Variants in RACGAP1 observed in about 807,000 individuals in gnomAD.
RACGAP1 encodes the protein Rac GTPase activating protein 1.
Under a neutral mutation model 78.1 loss-of-function variants are expected in RACGAP1, and 30 were observed. The ratio of observed to expected loss-of-function variants is 0.38; its 90% CI spans 0.29 to 0.52. The LOEUF (loss-of-function observed/expected upper bound fraction) is 0.52, where lower values mean the gene tolerates loss of function less well. Ranked by LOEUF, RACGAP1 falls within the 20% of genes least tolerant of loss-of-function variation. RACGAP1 has a pLI of 0.82. For synonymous variants in RACGAP1, 231 were observed against 264.8 expected (o/e 0.87, Z 1.24); for missense variants, 587 against 777.1 (o/e 0.76, Z 2.91).
In RACGAP1 at chr12:50,016,719, T is replaced by C; in HGVS notation, c.-4A>G. ...CATTCAGCATCATAGTATCCATCTTTCTGCCAAGAAATCAAATATACATTA... is the reference window on the plus strand; with the variant it reads ...CATTCAGCATCATAGTATCCATCTTCCTGCCAAGAAATCAAATATACATTA... On this transcript the variant is annotated splice_region_variant and 5_prime_UTR_variant, in exon 2 of 17. Transcript: ENST00000312377. 6.2e-7 allele frequency: 1 copy of C among 1,613,424 alleles called. No homozygotes were observed. Among genetic ancestry groups the C allele is most frequent in the Non-Finnish European group, 8.5e-7 (1 of 1,179,912 alleles).
chr12:50,005,348 T>A lies in RACGAP1; in HGVS notation c.333A>T (p.Thr111=). 1 of 1,614,236 alleles carries A rather than the reference T, an allele frequency of 6.2e-7. No homozygotes were observed. The highest frequency in any genetic ancestry group is 8.5e-7 in the Non-Finnish European group (1 of 1,180,032). ...QLIREMLMCD[T]SGSIQLSEEQ... ...CCTCGCTTAGTTGAATGCTGCCAGA[T>A]GTGTCACACATGAGCATCTCTCGAA... Residue 111 remains threonine, a synonymous_variant, in exon 4 of 17, where the codon ACA becomes ACT. Transcript: ENST00000312377.
chr12:50,017,224 C>T lies in RACGAP1; in HGVS notation c.-4-505G>A, dbSNP rs140924927. ...CATTTCCTACCAAAAGCACAGATGA[C>T]GTCACATGAGTGATTAAGTGGGAAA... On this transcript the variant is annotated intron_variant, in intron 1 of 16. Coordinates refer to ENST00000312377, the MANE Select transcript of RACGAP1 (RefSeq NM_001319999.2). 5.1e-5 allele frequency: 18 copies of T among 352,964 alleles called. No homozygotes were observed. The East Asian group carries it at 1.8e-3, about 36-fold the overall frequency. The allele number at this position is 352,964 out of a possible 1,614,324, so 21.9% of individuals were successfully genotyped here. A position where few individuals can be genotyped will look rare whatever the true frequency, so the allele number is the denominator to read the frequency against.
At chr12:50,024,196 C>G (rs1297195234) in intron 1 of RACGAP1, among the ~76,000 whole-genome samples, 1 of 152,024 alleles carries the variant, frequency 6.6e-6, no homozygotes, top group Non-Finnish European at 1.5e-5. Context: ...CAAAAAGACC[C>G]CTGCATTGAT....
chr12:50,007,608 G>A (rs534231783), intron 2 of RACGAP1, among the ~76,000 whole-genome samples: 1 of 152,276 alleles, frequency 6.6e-6, no homozygotes, highest in East Asian at 1.9e-4. Context: ...GGTAGTAAGG[G>A]CACTTTTCCC....
chr12:50,011,544 T>C (rs1949331336), intron 2 of RACGAP1, among the ~76,000 whole-genome samples: 1 of 151,634 alleles, frequency 6.6e-6, no homozygotes, highest in Non-Finnish European at 1.5e-5. Flanking sequence ...CCAGGAAACA[T>C]GGCAAGACCT....
intron 2 of RACGAP1, among the ~76,000 whole-genome samples, chr12:50,030,499 C>A (rs2137777830): frequency 6.6e-6 from 1 of 152,086 alleles, no homozygotes; most frequent in South Asian, 2.1e-4. Flanking sequence ...AACAGCCTGC[C>A]CAACATGGTG....
At chr12:50,024,267 A>T (rs923128797) in intron 1 of RACGAP1, among the ~76,000 whole-genome samples, 1 of 152,248 alleles carries the variant, frequency 6.6e-6, no homozygotes, top group Admixed American at 6.5e-5. Flanking sequence ...GTGTTCATCA[A>T]CGAAGGATTG....
chr12:50,009,060 T>C (rs776885065), intron 2 of RACGAP1, among the ~76,000 whole-genome samples: 1 of 151,778 alleles, frequency 6.6e-6, no homozygotes, highest in Admixed American at 6.6e-5. Context: ...GCAGATCACT[T>C]GAGGTCAGTA....
chr12:49,992,024 G>A lies in RACGAP1; in HGVS notation c.1688C>T (p.Ser563Leu), dbSNP rs755241888. The A allele has an allele frequency of 6.2e-6, 10 of 1,614,060 alleles. No individual in the cohort carries two copies. The East Asian group carries it at 8.9e-5, about 14-fold the overall frequency. The change falls in exon 15 of 17, where the codon TCA becomes TTA. Residue 563 changes from serine to leucine, a missense_variant. Ser to Leu is a moderately radical substitution (Grantham distance 145). Transcript: ENST00000312377. Reference sequence around the variant, plus strand: ...TTTAATATCTGGTGTCTGTGGTGTTGAAAAGGCATTTGAGTTTTCAATGAC... The same window carrying A: ...TTTAATATCTGGTGTCTGTGGTGTTAAAAAGGCATTTGAGTTTTCAATGAC... The part of the protein sequence containing the change: ...LHVIENSNAF[S>L]TPQTPDIKVS...
At position 49,990,212 on chromosome 12, in the gene RACGAP1, AGATGT is replaced by A. The variant is rs1947737907; in HGVS notation, c.*51_*55del. ...TACAGGAGGCTGCAGAGCAGAGTAC[AGATGT>A]GTCCTTTCTTATAGTCAGTCAATGC... On this transcript the variant is annotated 3_prime_UTR_variant, in exon 17 of 17. Transcript: ENST00000312377. The A allele has an allele frequency of 2.8e-6, 4 of 1,444,898 alleles. No individual in the cohort carries two copies. Among genetic ancestry groups the A allele is most frequent in the Non-Finnish European group, 3.9e-6 (4 of 1,027,778 alleles). The allele number at this position is 1,444,898 out of a possible 1,614,324, so 89.5% of individuals were successfully genotyped here.
intron 10 of RACGAP1, among the ~76,000 whole-genome samples, chr12:49,995,932 T>G (rs1423775492): frequency 6.6e-6 from 1 of 152,184 alleles, no homozygotes; most frequent in African/African-American, 2.4e-5. Flanking sequence ...TTATCACAGA[T>G]AAAATTATAT....
intron 15 of RACGAP1, among the ~76,000 whole-genome samples, chr12:49,991,478 T>A (rs1565654131): frequency 2.3e-5 from 1 of 42,696 alleles, no homozygotes; most frequent in African/African-American, 8.1e-5. Flanking sequence ...TATATATATA[T>A]ATTTTTTTTT....
intron 1 of RACGAP1, chr12:50,017,110 C>T: frequency 2.0e-6 from 2 of 988,336 alleles, no homozygotes; most frequent in Non-Finnish European, 2.4e-6. Flanking sequence ...TGAAGACCTA[C>T]AATGTAACTT....
intron 15 of RACGAP1, among the ~76,000 whole-genome samples, chr12:49,991,481 T>TA (rs1592124066): frequency 2.2e-4 from 2 of 9,192 alleles, no homozygotes; most frequent in Non-Finnish European, 5.0e-4. Context: ...ATATATATAT[T>TA]TTTTTTTTTT....
rs1003563204 is a variant in RACGAP1 at position 49,990,203 on chromosome 12, G to A, written c.*65C>T. The A allele has an allele frequency of 2.8e-4, 379 of 1,374,380 alleles. 1 individual carries two copies. The highest frequency in any genetic ancestry group is 4.7e-5 in the Non-Finnish European group (45 of 965,152). The allele number at this position is 1,374,380 out of a possible 1,614,324, so 85.1% of individuals were successfully genotyped here. ...AGTAATGAGTACAGGAGGCTGCAGA[G>A]CAGAGTACAGATGTGTCCTTTCTTA... On this transcript the variant is annotated 3_prime_UTR_variant, in exon 17 of 17. Transcript: ENST00000312377.
chr12:50,014,456 G>A (rs914771589), intron 2 of RACGAP1, among the ~76,000 whole-genome samples: 1 of 152,072 alleles, frequency 6.6e-6, no homozygotes, highest in Admixed American at 6.5e-5. Flanking sequence ...TCACCCAGGC[G>A]GGAGTGCAGT....
Position 50,000,749 on chromosome 12 carries a change from T to C in RACGAP1, c.630+423A>G, listed in dbSNP as rs540036541. On this transcript the variant is annotated intron_variant, in intron 7 of 16. Coordinates refer to ENST00000312377, the MANE Select transcript of RACGAP1 (RefSeq NM_001319999.2). Reference sequence around the variant, plus strand: ...TCATAGGGATAAGGATCCTACTGCATAGAAAAACTTTAACCAAAGGCCAGG... The same window carrying C: ...TCATAGGGATAAGGATCCTACTGCACAGAAAAACTTTAACCAAAGGCCAGG... Among the ~76,000 whole-genome samples the C allele has an allele frequency of 5.3e-5, 8 of 152,158 alleles. No homozygotes were observed. The South Asian group carries it at 8.3e-4, about 16-fold the overall frequency.
At chr12:50,001,328 A>G in intron 6 of RACGAP1, 76 bp from the exon 7 acceptor site, 1 of 1,228,894 alleles carries the variant, frequency 8.1e-7, no homozygotes, top group Non-Finnish European at 1.2e-6. Flanking sequence ...ATTCCATCAA[A>G]CAACTTGGAT....
intron 6 of RACGAP1, among the ~76,000 whole-genome samples, chr12:50,001,763 A>G (rs1393430670): frequency 6.6e-6 from 1 of 152,226 alleles, no homozygotes; most frequent in Admixed American, 6.5e-5. Context: ...CTAAGTTACT[A>G]CTTCAAAGAG....
Sources: allele counts gnomAD v4.1 joint callset (sites outside exome capture counted in the v4.1 genomes callset), GRCh38; gene constraint gnomAD v4.1.1; transcripts MANE v1.5; gene names NCBI Gene and HGNC (gene_info 2026-07-23, HGNC 2026-07-21).